RBFOX1: variants seen among roughly 807,000 people sequenced by gnomAD.
The protein encoded by RBFOX1 is RNA binding protein fox-1 homolog 1.
A neutral mutation model predicts 57.7 loss-of-function variants in RBFOX1; 8 were observed. That is an observed-to-expected ratio of 0.14 (90% CI 0.08 to 0.25). The LOEUF (loss-of-function observed/expected upper bound fraction) is 0.25, where lower values mean the gene tolerates loss of function less well. Ranked by LOEUF, RBFOX1 falls within the 10% of genes least tolerant of loss-of-function variation. The pLI, the probability that RBFOX1 is intolerant of heterozygous loss-of-function variation, is 1.00. For synonymous variants in RBFOX1, 326 were observed against 222.4 expected (o/e 1.47, Z -4.15); for missense variants, 611 against 548.5 (o/e 1.11, Z -1.14).
At chr16:7,052,526 T>C (rs1246568320) in intron 4 of RBFOX1, among the ~76,000 whole-genome samples, 5 of 152,198 alleles carry the variant, frequency 3.3e-5, no homozygotes, top group African/African-American at 1.2e-4. Context: ...TCAAGGGCGT[T>C]TTCTGGGAGA....
chr16:5,957,437 C>T (rs1367808530), intron 4 of RBFOX1, among the ~76,000 whole-genome samples: 1 of 152,074 alleles, frequency 6.6e-6, no homozygotes, highest in South Asian at 2.1e-4. Flanking sequence ...AACCCCTCAC[C>T]TGGTCTTGAA....
intron 14 of RBFOX1, among the ~76,000 whole-genome samples, chr16:7,681,784 G>C (rs2074824223): frequency 6.6e-6 from 1 of 151,924 alleles, no homozygotes; most frequent in South Asian, 2.1e-4. Context: ...CTTAATGAAA[G>C]TACACATGCA....
intron 5 of RBFOX1, among the ~76,000 whole-genome samples, chr16:7,578,327 C>T (rs1272311675): frequency 6.6e-6 from 1 of 152,166 alleles, no homozygotes; most frequent in East Asian, 1.9e-4. Context: ...AATACATTGT[C>T]TAAATACATG....
At chr16:5,445,029 G>A (rs775013382) in intron 1 of RBFOX1, among the ~76,000 whole-genome samples, 27 of 152,126 alleles carry the variant, frequency 1.8e-4, no homozygotes, top group Non-Finnish European at 3.2e-4. Flanking sequence ...CTTCTGGTGG[G>A]CTTTAACAGG....
chr16:6,554,443 C>G (rs549036113), intron 2 of RBFOX1, among the ~76,000 whole-genome samples: 7 of 152,146 alleles, frequency 4.6e-5, no homozygotes, highest in African/African-American at 1.7e-4. Context: ...AAAAAAAGTT[C>G]TAAAATTAAA....
At chr16:6,342,559 G>A (rs2084727549) in intron 2 of RBFOX1, among the ~76,000 whole-genome samples, 1 of 152,160 alleles carries the variant, frequency 6.6e-6, no homozygotes, top group Admixed American at 6.5e-5. Flanking sequence ...ATTGAGGGTA[G>A]AAGAAGTAAT....
chr16:7,318,958 G>A (rs1374138332), intron 4 of RBFOX1, among the ~76,000 whole-genome samples: 3 of 152,168 alleles, frequency 2.0e-5, no homozygotes, highest in African/African-American at 4.8e-5. Context: ...GCCTGCAAAT[G>A]TTAGGTCCCA....
chr16:6,855,856 T>TG (rs1555533200), intron 3 of RBFOX1, among the ~76,000 whole-genome samples: 1 of 144,606 alleles, frequency 6.9e-6, no homozygotes, highest in Non-Finnish European at 1.5e-5. Context: ...TTTCCCTCCC[T>TG]TCCTTTCTTC....
intron 2 of RBFOX1, among the ~76,000 whole-genome samples, chr16:5,495,516 A>G (rs940395740): frequency 2.6e-5 from 4 of 152,188 alleles, no homozygotes; most frequent in African/African-American, 9.7e-5. Context: ...GGGATCACAG[A>G]GCCAATCCAT....
intron 1 of RBFOX1, among the ~76,000 whole-genome samples, chr16:6,256,187 GTA>G (rs1238561014): frequency 1.0e-4 from 1 of 9,730 alleles, no homozygotes; most frequent in Non-Finnish European, 1.3e-3. Flanking sequence ...ATATATATAC[GTA>G]TATATATGTA....
intron 3 of RBFOX1, among the ~76,000 whole-genome samples, chr16:5,743,298 C>G (rs1242989307): frequency 6.6e-6 from 1 of 152,174 alleles, no homozygotes; most frequent in African/African-American, 2.4e-5. Context: ...CTGAGTTATA[C>G]TGGCTGATGC....
chr16:7,210,346 A>G (rs1464132047), intron 4 of RBFOX1, among the ~76,000 whole-genome samples: 1 of 152,134 alleles, frequency 6.6e-6, no homozygotes. Context: ...GACAGCGTGG[A>G]CCACACTGTG....
intron 3 of RBFOX1, among the ~76,000 whole-genome samples, chr16:5,662,758 T>A (rs970547028): frequency 6.6e-6 from 1 of 152,244 alleles, no homozygotes; most frequent in Non-Finnish European, 1.5e-5. Flanking sequence ...CCAGTGCTAG[T>A]TGAAACTGAA....
chr16:6,227,472 A>T lies in RBFOX1; in HGVS notation c.-126-89523A>T, dbSNP rs112588890. 6.6e-3 allele frequency among the ~76,000 whole-genome samples: 1,011 copies of T among 152,252 alleles called. 19 individuals carry two copies. Among genetic ancestry groups the T allele is most frequent in the African/African-American group, 0.023 (957 of 41,540 alleles). On this transcript the variant is annotated intron_variant, in intron 1 of 15. Coordinates refer to ENST00000550418, the MANE Select transcript of RBFOX1 (RefSeq NM_018723.4). ...CAACAGTAGCAAACCTTGATTTCTC[A>T]GGGTTTTTTTTGCATTTGGGAGTGG...
At chr16:7,698,008 A>C (rs2079335581) in intron 14 of RBFOX1, among the ~76,000 whole-genome samples, 2 of 152,182 alleles carry the variant, frequency 1.3e-5, no homozygotes, top group African/African-American at 4.8e-5. Context: ...ATGTCAGGTC[A>C]GGAAGCATGT....
At chr16:6,933,981 T>A (rs932535509) in intron 3 of RBFOX1, among the ~76,000 whole-genome samples, 1 of 152,174 alleles carries the variant, frequency 6.6e-6, no homozygotes, top group Non-Finnish European at 1.5e-5. Context: ...AAGTTAATGC[T>A]CATCCTCTCA....
intron 3 of RBFOX1, among the ~76,000 whole-genome samples, chr16:6,814,247 T>TGGGGGG (rs71378326): frequency 2.0e-5 from 2 of 99,290 alleles, no homozygotes; most frequent in African/African-American, 6.8e-5. Flanking sequence ...GAGAAAATTG[T>TGGGGGG]GGTGGGGGGG....
At chr16:5,646,320 G>A (rs2049054646) in intron 3 of RBFOX1, among the ~76,000 whole-genome samples, 1 of 151,210 alleles carries the variant, frequency 6.6e-6, no homozygotes. Context: ...CCACTGTGTT[G>A]TGGAGATAGG....
chr16:5,675,307 G>A (rs934375048), intron 3 of RBFOX1, among the ~76,000 whole-genome samples: 1 of 152,154 alleles, frequency 6.6e-6, no homozygotes, highest in Admixed American at 6.5e-5. Context: ...AAGAAGGGAT[G>A]AACCAGCCCA....
Sources: allele counts gnomAD v4.1 joint callset (sites outside exome capture counted in the v4.1 genomes callset), GRCh38; gene constraint gnomAD v4.1.1; transcripts MANE v1.5; gene names NCBI Gene and HGNC (gene_info 2026-07-23, HGNC 2026-07-21).